Variants in MIB1 observed in about 807,000 individuals in gnomAD.
MIB1 encodes the protein MIB E3 ubiquitin protein ligase 1.
MIB1 carries 278 observed loss-of-function variants against 124.5 expected under a neutral mutation model. That is an observed-to-expected ratio of 2.23 (90% confidence interval 2.02 to 2.47). MIB1 has a LOEUF of 2.47. MIB1 is among the 30% of genes most tolerant of loss of function. The pLI, the probability that MIB1 is intolerant of heterozygous loss-of-function variation, is 0.00. For missense variants in MIB1, 957 were observed against 1,254.4 expected (o/e 0.76, Z 3.58); for synonymous variants, 446 against 429.4 (o/e 1.04, Z -0.48).
At chr18:21,717,933 A>G (rs1381484404) in intron 1 of MIB1, among the ~76,000 whole-genome samples, 1 of 152,232 alleles carries the variant, frequency 6.6e-6, no homozygotes, top group East Asian at 1.9e-4. Context: ...CGAAAAAGAT[A>G]CTTGCACACA....
At chr18:21,797,300 A>G (rs2041594215) in intron 7 of MIB1, among the ~76,000 whole-genome samples, 1 of 152,146 alleles carries the variant, frequency 6.6e-6, no homozygotes, top group South Asian at 2.1e-4. Context: ...AGGATTCAGT[A>G]TGCTGTTGTC....
Position 21,791,515 on chromosome 18 carries a change from T to C in MIB1, c.1050T>C (p.Leu350=). 6.2e-7 allele frequency: 1 copy of C among 1,613,958 alleles called. No individual in the cohort carries two copies. Among genetic ancestry groups the C allele is most frequent in the South Asian group, 1.1e-5 (1 of 91,048 alleles). The part of the protein sequence containing the change: ...QVCYDLERIK[L]LQRGHGEWAE... ...GTTATGACCTGGAACGAATTAAACTTCTACAAAGAGGACATGGAGAATGGG... is the reference window on the plus strand; with the variant it reads ...GTTATGACCTGGAACGAATTAAACTCCTACAAAGAGGACATGGAGAATGGG... The change falls in exon 7 of 21, where the codon CTT becomes CTC. Residue 350 remains leucine (L), a synonymous_variant. Transcript: ENST00000261537.
At chr18:21,778,059 T>C in intron 4 of MIB1, 44 bp from the exon 5 acceptor site, 1 of 1,364,454 alleles carries the variant, frequency 7.3e-7, no homozygotes, top group Non-Finnish European at 1.0e-6. Flanking sequence ...CTGAGCCATA[T>C]TTGAAGTTTC....
chr18:21,746,099 TTCA>T (rs919820152), intron 1 of MIB1, among the ~76,000 whole-genome samples: 61 of 152,346 alleles, frequency 4.0e-4, no homozygotes, highest in African/African-American at 1.3e-3. Context: ...CCTTTGATTA[TTCA>T]TCATTTGTTC....
chr18:21,814,397 C>T (rs2146472546), intron 10 of MIB1, among the ~76,000 whole-genome samples: 1 of 150,428 alleles, frequency 6.6e-6, no homozygotes, highest in East Asian at 1.9e-4. Context: ...TTTTCAATCA[C>T]ACAACTCATC....
At chr18:21,734,113 T>G (rs1282687423) in intron 1 of MIB1, among the ~76,000 whole-genome samples, 1 of 151,074 alleles carries the variant, frequency 6.6e-6, no homozygotes, top group Non-Finnish European at 1.5e-5. Flanking sequence ...TGATTTTTTT[T>G]TTTTTTTTTT....
Position 21,773,615 on chromosome 18 carries a change from T to G in MIB1, c.532-9T>G. The stretch of plus-strand genomic sequence containing the variant: ...AAAAAACTTCTTTTCTCAAAAACTA[T>G]TCTGTTAGGTAACAGAAATCCAGGA... On this transcript the variant is annotated splice_polypyrimidine_tract_variant and intron_variant, in intron 3 of 20. Transcript: ENST00000261537. The G allele has an allele frequency of 6.3e-7, 1 of 1,595,020 alleles. No homozygotes were observed. The highest frequency in any genetic ancestry group is 8.5e-7 in the Non-Finnish European group (1 of 1,169,866).
chr18:21,815,718 A>C lies in MIB1; in HGVS notation c.1582A>C (p.Lys528Gln). Residue 528 changes from lysine (K) to glutamine (Q), a missense_variant, in exon 11 of 21, where the codon AAG becomes CAG. Coordinates refer to ENST00000261537, the MANE Select transcript of MIB1 (RefSeq NM_020774.4). Reference sequence around the variant, plus strand: ...TAGTGCTGATTTGAATGCTCGAAACAAGCGCCGACAGACACCACTTCATAT... The same window carrying C: ...TAGTGCTGATTTGAATGCTCGAAACCAGCGCCGACAGACACCACTTCATAT... The part of the protein sequence containing the change: ...RGSADLNARN[K>Q]RRQTPLHIAV... 1.9e-6 allele frequency: 3 copies of C among 1,614,160 alleles called. No individual in the cohort carries two copies. Among genetic ancestry groups the C allele is most frequent in the Non-Finnish European group, 2.5e-6 (3 of 1,180,006 alleles).
chr18:21,811,521 G>A (rs545595479), intron 10 of MIB1, among the ~76,000 whole-genome samples: 2 of 152,188 alleles, frequency 1.3e-5, no homozygotes, highest in South Asian at 4.1e-4. Context: ...GCTTATAATG[G>A]TAGATCATTA....
At chr18:21,824,138 C>G (rs867002928) in intron 12 of MIB1, among the ~76,000 whole-genome samples, 2 of 151,954 alleles carry the variant, frequency 1.3e-5, no homozygotes, top group African/African-American at 4.8e-5. Flanking sequence ...ATAGTATTTA[C>G]GAATTTTTCT....
At chr18:21,786,127 C>G (rs1399540643) in intron 6 of MIB1, among the ~76,000 whole-genome samples, 1 of 151,564 alleles carries the variant, frequency 6.6e-6, no homozygotes, top group Non-Finnish European at 1.5e-5. Context: ...GACAGAGTCT[C>G]TCTCTGTCAC....
intron 1 of MIB1, among the ~76,000 whole-genome samples, chr18:21,761,470 A>T (rs2041096902): frequency 6.6e-6 from 1 of 152,214 alleles, no homozygotes; most frequent in Non-Finnish European, 1.5e-5. Context: ...TTCCTGGAAG[A>T]CCAAATGTAT....
In MIB1 at chr18:21,815,814, G is replaced by C; in HGVS notation, c.1677+1G>C. 3 of 1,613,778 alleles carry C rather than the reference G, an allele frequency of 1.9e-6. No individual in the cohort carries two copies. Among genetic ancestry groups the C allele is most frequent in the Non-Finnish European group, 1.7e-6 (2 of 1,179,750 alleles). On this transcript the variant is annotated splice_donor_variant, in intron 11 of 20. Transcript: ENST00000261537. LOFTEE classifies it high-confidence loss of function. ...CTTTGGCTGTCATCCCAGTCTCCAG[G>C]TAAAACCTTTAAAGAAACACATCCT... is the stretch of plus-strand genomic sequence containing the variant.
chr18:21,752,471 G>C (rs1306724198), intron 1 of MIB1, among the ~76,000 whole-genome samples: 1 of 152,108 alleles, frequency 6.6e-6, no homozygotes, highest in Non-Finnish European at 1.5e-5. Flanking sequence ...GAAATAAATG[G>C]ATTAGATAAA....
At chr18:21,781,040 G>A (rs934168319) in intron 6 of MIB1, among the ~76,000 whole-genome samples, 1 of 151,882 alleles carries the variant, frequency 6.6e-6, no homozygotes, top group Non-Finnish European at 1.5e-5. Context: ...GTCAGCATCC[G>A]AAAAGCCATT....
At chr18:21,815,019 A>G (rs1388503265) in intron 10 of MIB1, among the ~76,000 whole-genome samples, 1 of 77,258 alleles carries the variant, frequency 1.3e-5, no homozygotes, top group Non-Finnish European at 2.3e-5. Flanking sequence ...TTTTATATAT[A>G]TATATATATA....
chr18:21,867,130 A>G lies in MIB1; in HGVS notation c.*2464A>G, dbSNP rs1255988872. The G allele has an allele frequency of 6.5e-6, 1 of 152,710 alleles. No individual in the cohort carries two copies. Among genetic ancestry groups the G allele is most frequent in the East Asian group, 1.9e-4 (1 of 5,190 alleles). The allele number at this position is 152,710 out of a possible 1,614,324, so 9.5% of individuals were successfully genotyped here. A position where few individuals can be genotyped will look rare whatever the true frequency, so the allele number is the denominator to read the frequency against. Reference sequence around the variant, plus strand: ...AAAAAAACTGACACGCATTCATTCAAAAAAGTATTTATTGGGCTTTAGGGA... The same window carrying G: ...AAAAAAACTGACACGCATTCATTCAGAAAAGTATTTATTGGGCTTTAGGGA... On this transcript the variant is annotated 3_prime_UTR_variant, in exon 21 of 21. Transcript: ENST00000261537.
At chr18:21,848,105 T>C (rs2042150443) in intron 16 of MIB1, among the ~76,000 whole-genome samples, 1 of 152,200 alleles carries the variant, frequency 6.6e-6, no homozygotes, top group Non-Finnish European at 1.5e-5. Context: ...GAAATTAATA[T>C]AGTGAGGTAT....
intron 1 of MIB1, chr18:21,712,043 C>T (rs555282007): frequency 4.6e-5 from 8 of 174,932 alleles, no homozygotes; most frequent in African/African-American, 1.9e-4. Context: ...CTTCTGTGTA[C>T]TCTGCTAGCA....
Sources: gnomAD v4.1 joint callset for allele counts (sites outside exome capture counted in the v4.1 genomes callset) on GRCh38, gnomAD v4.1.1 for gene constraint, MANE v1.5 for transcripts, NCBI Gene and HGNC (gene_info 2026-07-23, HGNC 2026-07-21) for gene names.